CNTNAP2: variants seen among roughly 807,000 people sequenced by gnomAD.
CNTNAP2 encodes contactin associated protein 2.
CNTNAP2 carries 98 observed loss-of-function variants against 155.2 expected under a neutral mutation model. The ratio of observed to expected loss-of-function variants is 0.63; its 90% CI spans 0.54 to 0.75. The LOEUF (loss-of-function observed/expected upper bound fraction) is 0.75, where lower values mean the gene tolerates loss of function less well. CNTNAP2 is among the 30% of genes least tolerant of loss of function. The probability of loss-of-function intolerance (pLI) is 0.00; values close to 1 mark genes in which losing one functional copy is unlikely to be tolerated. For missense variants in CNTNAP2, 1,727 were observed against 1,688.1 expected, an observed-to-expected ratio of 1.02 and a Z score of -0.40; for synonymous variants, 651 against 631.2, an observed-to-expected ratio of 1.03 and a Z score of -0.47.
At chr7:148,029,723 A>G (rs1413484358) in intron 15 of CNTNAP2, among the ~76,000 whole-genome samples, 1 of 152,190 alleles carries the variant, frequency 6.6e-6, no homozygotes, top group Non-Finnish European at 1.5e-5. Context: ...ATGTATGACT[A>G]TATTTTATTC....
intron 15 of CNTNAP2, among the ~76,000 whole-genome samples, chr7:147,990,131 C>T (rs1230043143): frequency 6.6e-6 from 1 of 152,144 alleles, no homozygotes; most frequent in African/African-American, 2.4e-5. Context: ...AAGTGCTATA[C>T]TTATAATCAG....
chr7:147,519,130 T>G (rs929541333), intron 11 of CNTNAP2, among the ~76,000 whole-genome samples: 4 of 151,978 alleles, frequency 2.6e-5, no homozygotes, highest in African/African-American at 9.7e-5. Flanking sequence ...TATCTTACAG[T>G]TTGGGAGGTC....
intron 9 of CNTNAP2, among the ~76,000 whole-genome samples, chr7:147,320,444 A>G (rs1295252780): frequency 9.2e-5 from 14 of 152,248 alleles, no homozygotes. Flanking sequence ...ATGTACCAAT[A>G]TTAGTACACA....
intron 9 of CNTNAP2, among the ~76,000 whole-genome samples, chr7:147,343,737 A>G (rs1035515705): frequency 3.9e-5 from 6 of 152,146 alleles, no homozygotes; most frequent in Non-Finnish European, 7.4e-5. Context: ...AATATGGTGC[A>G]TGGGTGACAT....
chr7:148,034,046 TA>T (rs903063908), intron 15 of CNTNAP2, among the ~76,000 whole-genome samples: 1 of 152,096 alleles, frequency 6.6e-6, no homozygotes, highest in Non-Finnish European at 1.5e-5. Context: ...GTAGGAATCA[TA>T]AAAAAACTGT....
At chr7:148,207,810 G>A (rs1377271889) in intron 18 of CNTNAP2, among the ~76,000 whole-genome samples, 4 of 152,150 alleles carry the variant, frequency 2.6e-5, no homozygotes, top group African/African-American at 9.7e-5. Flanking sequence ...CACCCTTTAA[G>A]AAGTCATCAC....
intron 8 of CNTNAP2, among the ~76,000 whole-genome samples, chr7:147,253,724 G>T (rs1348845776): frequency 6.6e-6 from 1 of 152,200 alleles, no homozygotes; most frequent in Non-Finnish European, 1.5e-5. Flanking sequence ...CTTCCAGGCA[G>T]CCTGCTGCTG....
At chr7:147,009,879 T>C (rs1798591872) in intron 3 of CNTNAP2, among the ~76,000 whole-genome samples, 1 of 152,174 alleles carries the variant, frequency 6.6e-6, no homozygotes, top group African/African-American at 2.4e-5. Flanking sequence ...TTAATGTATA[T>C]AGATGTATAT....
intron 21 of CNTNAP2, among the ~76,000 whole-genome samples, chr7:148,331,420 G>GGAAT (rs1798008161): frequency 7.7e-6 from 1 of 130,126 alleles, no homozygotes; most frequent in Non-Finnish European, 1.6e-5. Flanking sequence ...ATGGATGGAT[G>GGAAT]GGATGGATGG....
intron 3 of CNTNAP2, among the ~76,000 whole-genome samples, chr7:146,942,239 A>G (rs1287289266): frequency 6.6e-6 from 1 of 152,128 alleles, no homozygotes; most frequent in Non-Finnish European, 1.5e-5. Flanking sequence ...AAAATTCTCT[A>G]CATAACTAAA....
chr7:147,694,543 T>C (rs1196042278), intron 13 of CNTNAP2, among the ~76,000 whole-genome samples: 1 of 152,166 alleles, frequency 6.6e-6, no homozygotes, highest in East Asian at 1.9e-4. Context: ...CCTATTCAGA[T>C]TGTCAATTTA....
intron 5 of CNTNAP2, among the ~76,000 whole-genome samples, chr7:147,109,869 T>A (rs1800839682): frequency 6.6e-6 from 1 of 151,976 alleles, no homozygotes; most frequent in African/African-American, 2.4e-5. Context: ...CTCAAATTAC[T>A]GTTTTATGTG....
rs181633896 is a variant in CNTNAP2, at chr7:148,056,266, T to C, written c.2384-61852T>C. Among the ~76,000 whole-genome samples the C allele has an allele frequency of 4.6e-5, 7 of 152,312 alleles. No individual in the cohort carries two copies. In the East Asian group the frequency reaches 1.2e-3, roughly 25 times the overall value. On this transcript the variant is annotated intron_variant, in intron 15 of 23. Transcript: ENST00000361727. ...CATTTTATGTTCTGTGGATTTTTCA[T>C]GCTTGATATGGTTGGTTTCTGGGAT...
At chr7:146,486,299 C>T (rs993635636) in intron 1 of CNTNAP2, among the ~76,000 whole-genome samples, 1 of 151,864 alleles carries the variant, frequency 6.6e-6, no homozygotes, top group Non-Finnish European at 1.5e-5. Context: ...CTCCTGACCT[C>T]GTGATCCGCC....
chr7:148,183,623 A>T (rs1361231014), intron 18 of CNTNAP2, among the ~76,000 whole-genome samples: 5 of 151,804 alleles, frequency 3.3e-5, no homozygotes. Flanking sequence ...CTGGGACTAT[A>T]GGCATGTGCT....
At chr7:148,234,141 A>G (rs1175842652) in intron 20 of CNTNAP2, among the ~76,000 whole-genome samples, 2 of 152,308 alleles carry the variant, frequency 1.3e-5, no homozygotes, top group African/African-American at 2.4e-5. Context: ...CTAATATACC[A>G]TCTTAGAGAT....
intron 3 of CNTNAP2, among the ~76,000 whole-genome samples, chr7:147,007,678 A>G (rs1798549442): frequency 6.6e-6 from 1 of 151,810 alleles, no homozygotes; most frequent in Non-Finnish European, 1.5e-5. Context: ...TTACTAAGGT[A>G]TCTATAATTA....
At chr7:146,306,763 CT>C (rs1800720237) in intron 1 of CNTNAP2, among the ~76,000 whole-genome samples, 1 of 152,118 alleles carries the variant, frequency 6.6e-6, no homozygotes, top group South Asian at 2.1e-4. Context: ...GCTGAAAGGC[CT>C]TTGACAAAAT....
At chr7:146,537,410 T>C (rs961344893) in intron 1 of CNTNAP2, among the ~76,000 whole-genome samples, 1 of 152,102 alleles carries the variant, frequency 6.6e-6, no homozygotes, top group African/African-American at 2.4e-5. Context: ...ACATCCTTAT[T>C]TACTTACTAA....
Sources: allele counts gnomAD v4.1 joint callset (sites outside exome capture counted in the v4.1 genomes callset), GRCh38; gene constraint gnomAD v4.1.1; transcripts MANE v1.5; gene names NCBI Gene and HGNC (gene_info 2026-07-23, HGNC 2026-07-21).